The following ADAT1 variants were observed in gnomAD, a reference collection of about 807,000 sequenced individuals.
The protein encoded by ADAT1 is tRNA-specific adenosine deaminase 1.
Under a neutral mutation model 58.6 loss-of-function variants are expected in ADAT1, and 58 were observed. That is an observed-to-expected ratio of 0.99 (90% CI 0.80 to 1.23). The LOEUF (loss-of-function observed/expected upper bound fraction) is 1.23. Ranked by LOEUF, ADAT1 falls within the 50% of genes most tolerant of loss-of-function variation. The probability of loss-of-function intolerance (pLI) is 0.00; values close to 1 mark genes in which losing one functional copy is unlikely to be tolerated. For missense variants in ADAT1, 741 were observed against 608.6 expected (o/e 1.22, Z -2.29); for synonymous variants, 254 against 220.8 (o/e 1.15, Z -1.33).
At chr16:75,604,474 T>TATATACAC (rs1324943206) in intron 8 of ADAT1, among the ~76,000 whole-genome samples, 64 of 54,016 alleles carry the variant, frequency 1.2e-3, no homozygotes, top group Non-Finnish European at 1.5e-3. Flanking sequence ...TATATATATA[T>TATATACAC]ACACACACAC....
chr16:75,599,902 C>G lies in ADAT1; in HGVS notation c.*314G>C, dbSNP rs557891781. 1 of 1,072,694 alleles carries G rather than the reference C, an allele frequency of 9.3e-7. No individual in the cohort carries two copies. Among genetic ancestry groups the G allele is most frequent in the Admixed American group, 5.0e-5 (1 of 19,924 alleles). 66.4% of individuals were successfully genotyped at this position (1,072,694 alleles called of 1,614,324 possible). A position where few individuals can be genotyped will look rare whatever the true frequency, so the allele number is the denominator to read the frequency against. On this transcript the variant is annotated 3_prime_UTR_variant, in exon 10 of 10. Transcript: ENST00000564657. Reference sequence around the variant, plus strand: ...ATATTTGCTGAATCAATGTAGGAACCCATAAAACAGAGCTGCTGCAGAGTA... The same window carrying G: ...ATATTTGCTGAATCAATGTAGGAACGCATAAAACAGAGCTGCTGCAGAGTA...
At chr16:75,613,631 T>C (rs1051733864) in intron 5 of ADAT1, among the ~76,000 whole-genome samples, 3 of 152,132 alleles carry the variant, frequency 2.0e-5, no homozygotes, top group Non-Finnish European at 4.4e-5. Context: ...CTTTGGACTG[T>C]ATCACTGTTT....
At position 75,598,976 on chromosome 16, in the gene ADAT1, C is replaced by G. The variant is rs2081147706; in HGVS notation, c.*1240G>C. On this transcript the variant is annotated 3_prime_UTR_variant, in exon 10 of 10. Transcript: ENST00000564657. ...CAACATGGGAGCTTCCATTTTCAGT[C>G]AATCATTCAAGGTCTGAAGTTGAGT... is the stretch of plus-strand genomic sequence containing the variant. The G allele has an allele frequency of 3.0e-6, 3 of 984,618 alleles. No homozygotes were observed. The highest frequency in any genetic ancestry group is 2.4e-6 in the Non-Finnish European group (2 of 829,828). 61.0% of individuals were successfully genotyped at this position (984,618 alleles called of 1,614,324 possible).
intron 8 of ADAT1, among the ~76,000 whole-genome samples, chr16:75,607,051 C>G (rs916823828): frequency 1.3e-5 from 2 of 152,010 alleles, no homozygotes; most frequent in African/African-American, 4.8e-5. Context: ...CATAGTGAAA[C>G]CCCGTCTCTA....
rs759695099 is a variant in ADAT1, at chr16:75,612,599, G to A, written c.687C>T (p.Gly229=). The change falls in exon 6 of 10, where the codon GGC becomes GGT. Residue 229 remains glycine, a synonymous_variant. Transcript: ENST00000564657. The stretch of plus-strand genomic sequence containing the variant: ...CTACAGTGAGATCACAGCTGTGGAT[G>A]CCTGGTGAGATTGGGCCACTTTTCT... The part of the protein sequence containing the change: ...GKQKSGPISP[G]IHSCDLTVEG... The A allele has an allele frequency of 3.7e-6, 6 of 1,614,026 alleles. No individual in the cohort carries two copies. Among genetic ancestry groups the A allele is most frequent in the South Asian group, 1.1e-5 (1 of 91,084 alleles).
At chr16:75,608,749 C>T (rs1418323069) in intron 7 of ADAT1, 94 bp downstream of exon 7, 1 of 1,481,950 alleles carries the variant, frequency 6.7e-7, no homozygotes, top group Non-Finnish European at 9.1e-7. Context: ...GAGTGGTGAA[C>T]TACCTTCCTA....
chr16:75,619,097 A>G (rs1280754132), intron 3 of ADAT1, among the ~76,000 whole-genome samples: 1 of 152,246 alleles, frequency 6.6e-6, no homozygotes, highest in Non-Finnish European at 1.5e-5. Context: ...ACTTGTGCTC[A>G]TGGTGGTACA....
chr16:75,620,394 G>T, intron 2 of ADAT1, 60 bp from the exon 3 acceptor site: 1 of 1,578,676 alleles, frequency 6.3e-7, no homozygotes, highest in Non-Finnish European at 8.7e-7. Flanking sequence ...CGGTGTTCAG[G>T]TGTGATCAGC....
Position 75,617,327 on chromosome 16 carries a change from A to T in ADAT1, c.294-55T>A, listed in dbSNP as rs878895642. 6 of 1,585,126 alleles carry T rather than the reference A, an allele frequency of 3.8e-6. No individual in the cohort carries two copies. In the South Asian group the frequency reaches 6.8e-5, roughly 18 times the overall value. ...ACAACCGATCTCTGTGGTAAGGGGA[A>T]AGCCTCTGGTTGGGTGATTACTAAG... is the stretch of plus-strand genomic sequence containing the variant. On this transcript the variant is annotated intron_variant, in intron 4 of 9. Coordinates refer to ENST00000564657, the MANE Select transcript of ADAT1 (RefSeq NM_001324445.2).
chr16:75,620,248 A>G lies in ADAT1; in HGVS notation c.238+18T>C. On this transcript the variant is annotated intron_variant, in intron 3 of 9. Transcript: ENST00000564657. ...GGTTTCAAGCTAAATCTTTGTTTAG[A>G]TTCCCACCCGTGCTTACCGTTCTTC... 1 of 1,613,546 alleles carries G rather than the reference A, an allele frequency of 6.2e-7. No homozygotes were observed. The highest frequency in any genetic ancestry group is 8.5e-7 in the Non-Finnish European group (1 of 1,179,470).
Position 75,611,556 on chromosome 16 carries a change from A to T in ADAT1, c.1043+687T>A, listed in dbSNP as rs550861726. 2.0e-5 allele frequency among the ~76,000 whole-genome samples: 3 copies of T among 151,700 alleles called. No homozygotes were observed. The East Asian group carries it at 5.9e-4, about 30-fold the overall frequency. ...CGTGCCACATCTGGCTAGTTTTTGT[A>T]TTTTTTGTAAAGACGGGGTTTCCTC... On this transcript the variant is annotated intron_variant, in intron 6 of 9. Coordinates refer to ENST00000564657, the MANE Select transcript of ADAT1 (RefSeq NM_001324445.2).
At chr16:75,613,274 G>A (rs1325975305) in intron 5 of ADAT1, among the ~76,000 whole-genome samples, 1 of 152,120 alleles carries the variant, frequency 6.6e-6, no homozygotes, top group Non-Finnish European at 1.5e-5. Flanking sequence ...TGGAAAAATG[G>A]GTTTAGACCA....
chr16:75,612,255 G>T lies in ADAT1; in HGVS notation c.1031C>A (p.Ala344Glu). 1 of 1,613,894 alleles carries T rather than the reference G, an allele frequency of 6.2e-7. No individual in the cohort carries two copies. The highest frequency in any genetic ancestry group is 1.1e-5 in the South Asian group (1 of 91,058). Residue 344 changes from alanine to glutamate, a missense_variant, in exon 6 of 10, where the codon GCA becomes GAA. Ala to Glu is a moderately radical substitution (Grantham distance 107, BLOSUM62 -1). Transcript: ENST00000564657. ...CCTACCCTCTCACCTTCCAATCAGTGCTCTCTGCATGGCTTCCTGGCTGTA... is the reference window on the plus strand; with the variant it reads ...CCTACCCTCTCACCTTCCAATCAGTTCTCTCTGCATGGCTTCCTGGCTGTA... ...CPYSQEAMQR[A>E]LIGRCQNVSA...
At chr16:75,615,853 C>G (rs933496236) in intron 5 of ADAT1, among the ~76,000 whole-genome samples, 5 of 152,178 alleles carry the variant, frequency 3.3e-5, no homozygotes, top group Non-Finnish European at 5.9e-5. Context: ...CATATTACAG[C>G]TTGAGAGGAG....
In ADAT1 at chr16:75,599,868, G is replaced by C; in HGVS notation, c.*348C>G. ...TTGCAGAGCGTCAAACATCATTTCAGCTCAATAAATATTTGCTGAATCAAT... is the reference window on the plus strand; with the variant it reads ...TTGCAGAGCGTCAAACATCATTTCACCTCAATAAATATTTGCTGAATCAAT... On this transcript the variant is annotated 3_prime_UTR_variant, in exon 10 of 10. Transcript: ENST00000564657. 9.8e-7 allele frequency: 1 copy of C among 1,017,716 alleles called. No individual in the cohort carries two copies. The highest frequency in any genetic ancestry group is 1.2e-6 in the Non-Finnish European group (1 of 850,714). 63.0% of individuals were successfully genotyped at this position (1,017,716 alleles called of 1,614,324 possible).
chr16:75,607,962 GC>G (rs2081416150), intron 8 of ADAT1, among the ~76,000 whole-genome samples: 1 of 152,278 alleles, frequency 6.6e-6, no homozygotes, highest in East Asian at 1.9e-4. Context: ...AAAACACTAT[GC>G]TAAGTGAAAG....
In ADAT1 at chr16:75,602,824, C is replaced by G. The variant is rs147061941; in HGVS notation, c.1376+261G>C. Among the ~76,000 whole-genome samples, 50 of 152,318 alleles carry G rather than the reference C, an allele frequency of 3.3e-4. No homozygotes were observed. In the East Asian group the frequency reaches 8.1e-3, roughly 25 times the overall value. On this transcript the variant is annotated intron_variant, in intron 9 of 9. Coordinates refer to ENST00000564657, the MANE Select transcript of ADAT1 (RefSeq NM_001324445.2). ...AGTGATCTCCATCTAGAGGTGGAAT[C>G]AAAGGAGGGCCTGGAATGGCCAAGC...
At chr16:75,613,581 G>C (rs576519623) in intron 5 of ADAT1, among the ~76,000 whole-genome samples, 52 of 152,170 alleles carry the variant, frequency 3.4e-4, no homozygotes, top group Non-Finnish European at 6.3e-4. Flanking sequence ...AAAGTGCTGG[G>C]ATTACAGGTG....
chr16:75,622,360 A>C (rs1237132088), intron 1 of ADAT1, 43 bp downstream of exon 1: 4 of 152,188 alleles, frequency 2.6e-5, no homozygotes, highest in Admixed American at 2.6e-4. Flanking sequence ...TGTCAAGAAA[A>C]GAAAGCATGA....
Sources: gnomAD v4.1 joint callset for allele counts (sites outside exome capture counted in the v4.1 genomes callset) on GRCh38, gnomAD v4.1.1 for gene constraint, MANE v1.5 for transcripts, NCBI Gene and HGNC (gene_info 2026-07-23, HGNC 2026-07-21) for gene names.